Variants in AGPAT3 observed in about 807,000 individuals in gnomAD.
AGPAT3 encodes the protein 1-acyl-sn-glycerol-3-phosphate acyltransferase gamma.
In AGPAT3, 5 loss-of-function variants were observed where a neutral mutation model predicts 47.3. That is an observed-to-expected ratio of 0.11 (90% CI 0.06 to 0.22). The LOEUF (loss-of-function observed/expected upper bound fraction) is 0.22, where lower values mean the gene tolerates loss of function less well. Ranked by LOEUF, AGPAT3 falls within the 10% of genes least tolerant of loss-of-function variation. The probability of loss-of-function intolerance (pLI) is 1.00; values close to 1 mark genes in which losing one functional copy is unlikely to be tolerated. For missense variants in AGPAT3, 315 were observed against 493.0 expected, an observed-to-expected ratio of 0.64 and a Z score of 3.42; for synonymous variants, 212 against 208.3, an observed-to-expected ratio of 1.02 and a Z score of -0.15.
intron 1 of AGPAT3, among the ~76,000 whole-genome samples, chr21:43,889,266 A>G (rs1219375412): frequency 6.6e-6 from 1 of 150,386 alleles, no homozygotes; most frequent in Middle Eastern, 3.5e-3. Context: ...TTACACTGCT[A>G]AGTGAAGTGG....
chr21:43,939,616 G>C lies in AGPAT3; in HGVS notation c.-48-20018G>C, dbSNP rs1240769389. On this transcript the variant is annotated intron_variant, in intron 2 of 9. Coordinates refer to ENST00000291572, the MANE Select transcript of AGPAT3 (RefSeq NM_020132.5). This position sits in a 1 kb window ranked among gnomAD's most constrained non-coding sequence, Gnocchi z 4.4. The stretch of plus-strand genomic sequence containing the variant: ...GCGCCTGGCCTGTCCGGCAGGCTGG[G>C]TGGCTGTTCTCTGTTGAGCCCACAG... 6.6e-6 allele frequency among the ~76,000 whole-genome samples: 1 copy of C among 152,220 alleles called. No individual in the cohort carries two copies. The highest frequency in any genetic ancestry group is 2.4e-5 in the African/African-American group (1 of 41,464).
At chr21:43,901,231 G>A (rs1344012733) in intron 1 of AGPAT3, among the ~76,000 whole-genome samples, 3 of 151,834 alleles carry the variant, frequency 2.0e-5, no homozygotes, top group Non-Finnish European at 4.4e-5. Flanking sequence ...GGCAGAGGCA[G>A]GAGGATCCCT....
chr21:43,953,726 C>T (rs1218661291), intron 2 of AGPAT3, among the ~76,000 whole-genome samples: 1 of 152,188 alleles, frequency 6.6e-6, no homozygotes, highest in Non-Finnish European at 1.5e-5. Context: ...ATCATGATGG[C>T]ATTTAGGTTC....
chr21:43,894,871 C>T (rs556779398), intron 1 of AGPAT3, among the ~76,000 whole-genome samples: 3 of 152,298 alleles, frequency 2.0e-5, no homozygotes, highest in Non-Finnish European at 4.4e-5. Flanking sequence ...GGACTCTGTT[C>T]CCCTTTCTTT....
intron 2 of AGPAT3, among the ~76,000 whole-genome samples, chr21:43,950,175 T>C (rs2088121011): frequency 6.6e-6 from 1 of 152,244 alleles, no homozygotes; most frequent in Admixed American, 6.5e-5. Flanking sequence ...TTCTGACTGA[T>C]TCGGAGGCCA....
At chr21:43,881,049 TG>T (rs2085845146) in intron 1 of AGPAT3, among the ~76,000 whole-genome samples, 1 of 152,264 alleles carries the variant, frequency 6.6e-6, no homozygotes, top group South Asian at 2.1e-4. Flanking sequence ...GAGAAGAAAG[TG>T]ATAGTAATTA....
At chr21:43,949,930 C>T (rs544219872) in intron 2 of AGPAT3, among the ~76,000 whole-genome samples, 25 of 152,328 alleles carry the variant, frequency 1.6e-4, no homozygotes, top group East Asian at 1.4e-3. Context: ...TAAGCACTTG[C>T]GCTGGGCTGC....
rs946375490 is a variant in AGPAT3, at chr21:43,920,907, C to G, written c.-49+16888C>G. ...TTGGGAGGCTGAGGCGGGCAGATCA[C>G]GAGGTCAGGAGATCAAGACCACGGT... On this transcript the variant is annotated intron_variant, in intron 2 of 9. Transcript: ENST00000291572. The surrounding 1 kb of genome is among the most constrained non-coding windows in gnomAD (Gnocchi z 6.1). Among the ~76,000 whole-genome samples, 2 of 151,916 alleles carry G rather than the reference C, an allele frequency of 1.3e-5. No homozygotes were observed. Among genetic ancestry groups the G allele is most frequent in the East Asian group, 1.9e-4 (1 of 5,190 alleles).
At chr21:43,924,768 CT>C (rs1374026522) in intron 2 of AGPAT3, among the ~76,000 whole-genome samples, 1 of 152,236 alleles carries the variant, frequency 6.6e-6, no homozygotes, top group Non-Finnish European at 1.5e-5. Context: ...AAGACTCCCC[CT>C]GAGCCCCACC....
At chr21:43,969,310 A>G (rs1644446027) in intron 5 of AGPAT3, 31 bp downstream of exon 5, 4 of 1,611,016 alleles carry the variant, frequency 2.5e-6, no homozygotes, top group Non-Finnish European at 3.4e-6. Flanking sequence ...GATACCCTGC[A>G]TGCCTGGAGG....
chr21:43,918,152 G>A (rs955433839), intron 2 of AGPAT3, among the ~76,000 whole-genome samples: 6 of 149,378 alleles, frequency 4.0e-5, no homozygotes, highest in African/African-American at 1.5e-4. Flanking sequence ...GGAGTTGTGG[G>A]TGTTGTGGGA....
At chr21:43,886,014 G>T (rs1374268700) in intron 1 of AGPAT3, among the ~76,000 whole-genome samples, 1 of 152,242 alleles carries the variant, frequency 6.6e-6, no homozygotes, top group Admixed American at 6.5e-5. Context: ...TGCAAAGCCG[G>T]GGCAGCGACA....
At chr21:43,903,464 C>G (rs888894210) in intron 1 of AGPAT3, among the ~76,000 whole-genome samples, 3 of 152,254 alleles carry the variant, frequency 2.0e-5, no homozygotes, top group African/African-American at 7.2e-5. Context: ...TGGTTGCCGG[C>G]AGGCAGGCTA....
chr21:43,893,457 GTTTAC>G, intron 1 of AGPAT3, among the ~76,000 whole-genome samples: 1 of 152,346 alleles, frequency 6.6e-6, no homozygotes, highest in Admixed American at 6.5e-5. Context: ...TCATTTGTGT[GTTTAC>G]CTAAGTAGCA....
At chr21:43,941,099 C>A (rs1411635481) in intron 2 of AGPAT3, among the ~76,000 whole-genome samples, 6 of 152,194 alleles carry the variant, frequency 3.9e-5, no homozygotes, top group African/African-American at 1.4e-4. Flanking sequence ...GTGCAGGGGG[C>A]AGCTGGGGGG....
At position 43,934,274 on chromosome 21, in the gene AGPAT3, C is replaced by T. The variant is rs550934239; in HGVS notation, c.-48-25360C>T. ...ACCAGCTCCCACACACCAGCCCTCTCACCGCGGTGTGCCTGTCCCCACCTC... is the reference window on the plus strand; with the variant it reads ...ACCAGCTCCCACACACCAGCCCTCTTACCGCGGTGTGCCTGTCCCCACCTC... On this transcript the variant is annotated intron_variant, in intron 2 of 9. Transcript: ENST00000291572. The surrounding 1 kb of genome is among the most constrained non-coding windows in gnomAD (Gnocchi z 4.7). Among the ~76,000 whole-genome samples, 17 of 152,354 alleles carry T rather than the reference C, an allele frequency of 1.1e-4. No individual in the cohort carries two copies. In the East Asian group the frequency reaches 1.7e-3, roughly 16 times the overall value.
At chr21:43,943,257 A>G (rs918771369) in intron 2 of AGPAT3, among the ~76,000 whole-genome samples, 4 of 151,848 alleles carry the variant, frequency 2.6e-5, no homozygotes, top group Non-Finnish European at 5.9e-5. Context: ...TGTATTTTTA[A>G]TAGAGACGGG....
chr21:43,959,723 C>T lies in AGPAT3; in HGVS notation c.42C>T (p.His14=), dbSNP rs949651139. ...LAFLKTQFVL[H]LLVGFVFVVS... ...TCCTGAAGACCCAGTTCGTGCTGCA[C>T]CTGCTGGTCGGCTTTGTCTTCGTGG... Residue 14 remains histidine (H), a synonymous_variant, in exon 3 of 10, where the codon CAC becomes CAT. Transcript: ENST00000291572. 2.5e-6 allele frequency: 4 copies of T among 1,613,728 alleles called. No homozygotes were observed. The African/African-American group carries it at 5.3e-5, about 22-fold the overall frequency.
intron 7 of AGPAT3, among the ~76,000 whole-genome samples, chr21:43,975,941 A>T (rs964784099): frequency 1.4e-4 from 21 of 149,438 alleles, no homozygotes; most frequent in Non-Finnish European, 2.8e-4. Context: ...ATGCTCCCTT[A>T]CGGAAGCGAC....
Sources: allele counts gnomAD v4.1 joint callset (sites outside exome capture counted in the v4.1 genomes callset), GRCh38; gene constraint gnomAD v4.1.1; non-coding constraint Gnocchi (gnomAD v3.1); transcripts MANE v1.5; gene names NCBI Gene and HGNC (gene_info 2026-07-23, HGNC 2026-07-21).